The following GRIK4 variants were observed in gnomAD, a reference collection of about 807,000 sequenced individuals.
GRIK4 encodes glutamate ionotropic receptor kainate type subunit 4.
Under a neutral mutation model 104.9 loss-of-function variants are expected in GRIK4, and 40 were observed. The observed-to-expected ratio is 0.38, with a 90% CI of 0.30 to 0.50. The LOEUF (loss-of-function observed/expected upper bound fraction) is 0.50, where lower values mean the gene tolerates loss of function less well. Ranked by LOEUF, GRIK4 falls within the 20% of genes least tolerant of loss-of-function variation. The probability of loss-of-function intolerance (pLI) is 0.93; values close to 1 mark genes in which losing one functional copy is unlikely to be tolerated. For missense variants in GRIK4, 1,047 were observed against 1,308.1 expected, an observed-to-expected ratio of 0.80 and a Z score of 3.08; for synonymous variants, 485 against 524.9, an observed-to-expected ratio of 0.92 and a Z score of 1.04.
chr11:120,924,256 C>T (rs771429200), intron 13 of GRIK4, among the ~76,000 whole-genome samples: 3 of 152,054 alleles, frequency 2.0e-5, no homozygotes, highest in African/African-American at 4.8e-5. Flanking sequence ...GGAGGTTGGC[C>T]AGGCCTGAGT....
rs370607290 is a variant in GRIK4 at position 120,554,865 on chromosome 11, A to G, written c.-159+42978A>G. Among the ~76,000 whole-genome samples, 4 of 151,992 alleles carry G rather than the reference A, an allele frequency of 2.6e-5. No individual in the cohort carries two copies. In the South Asian group the frequency reaches 6.2e-4, roughly 24 times the overall value. On this transcript the variant is annotated intron_variant, in intron 1 of 20. Transcript: ENST00000527524. ...TGAGCCACCGCGCCTGGCCCCTTCC[A>G]GTCTCTTGAGAGTCAGTTGGAGAGT...
rs547430801 is a variant in GRIK4 at position 120,819,641 on chromosome 11, C to T, written c.346-114C>T. ...AGCTCCTTCTCCCATTGGTGTCTGG[C>T]GAAGGTGTTACATAAAAGAACTCAC... On this transcript the variant is annotated intron_variant, in intron 5 of 20. Transcript: ENST00000527524. The surrounding 1 kb of genome is among the most constrained non-coding windows in gnomAD (Gnocchi z 4.3). The T allele has an allele frequency of 7.5e-6, 7 of 929,796 alleles. No individual in the cohort carries two copies. The highest frequency in any genetic ancestry group is 3.2e-5 in the African/African-American group (2 of 61,614). The allele number at this position is 929,796 out of a possible 1,614,324, so 57.6% of individuals were successfully genotyped here.
chr11:120,645,045 T>C (rs1422409106), intron 1 of GRIK4, among the ~76,000 whole-genome samples: 1 of 152,200 alleles, frequency 6.6e-6, no homozygotes, highest in Non-Finnish European at 1.5e-5. Flanking sequence ...GATGTACATG[T>C]GTATGTACAT....
chr11:120,562,407 G>T (rs779573738), intron 1 of GRIK4, among the ~76,000 whole-genome samples: 4 of 152,218 alleles, frequency 2.6e-5, no homozygotes, highest in Non-Finnish European at 5.9e-5. Flanking sequence ...TATTTGGGAG[G>T]CTAACTTAGT....
At chr11:120,709,399 A>G (rs919875099) in intron 3 of GRIK4, among the ~76,000 whole-genome samples, 1 of 152,018 alleles carries the variant, frequency 6.6e-6, no homozygotes, top group Admixed American at 6.6e-5. Context: ...CAGGGAGGGG[A>G]TGATTGCTTT....
intron 16 of GRIK4, among the ~76,000 whole-genome samples, chr11:120,958,215 G>C (rs756328460): frequency 6.6e-6 from 1 of 152,360 alleles, no homozygotes; most frequent in African/African-American, 2.4e-5. Context: ...CACTTTATCC[G>C]CTTGTCAGCT....
At chr11:120,637,717 G>C (rs112133499) in intron 1 of GRIK4, among the ~76,000 whole-genome samples, 1,598 of 152,192 alleles carry the variant, frequency 0.01, 31 homozygotes, top group African/African-American at 0.034. Context: ...TCTCTGCCCA[G>C]GTTTTTTCCG....
At chr11:120,849,201 C>T (rs1013695318) in intron 8 of GRIK4, among the ~76,000 whole-genome samples, 16 of 152,012 alleles carry the variant, frequency 1.1e-4, no homozygotes, top group Non-Finnish European at 2.2e-4. Context: ...GCCCATGTGC[C>T]TTGGTGAGTG....
intron 3 of GRIK4, among the ~76,000 whole-genome samples, chr11:120,691,741 T>C (rs1365436411): frequency 1.3e-5 from 2 of 152,214 alleles, no homozygotes; most frequent in Non-Finnish European, 2.9e-5. Context: ...CTCACTTGAT[T>C]TGTTCCAAAT....
chr11:120,556,250 T>A (rs1432047614), intron 1 of GRIK4, among the ~76,000 whole-genome samples: 3 of 152,074 alleles, frequency 2.0e-5, no homozygotes, highest in African/African-American at 7.2e-5. Flanking sequence ...GTCCTTTCTT[T>A]GTCTCATACC....
intron 1 of GRIK4, among the ~76,000 whole-genome samples, chr11:120,621,119 C>A (rs1377045760): frequency 1.3e-5 from 2 of 152,190 alleles, no homozygotes; most frequent in Non-Finnish European, 2.9e-5. Flanking sequence ...ACACAAACCC[C>A]AAGCTCAAAG....
At chr11:120,877,659 T>C (rs1954855618) in intron 11 of GRIK4, among the ~76,000 whole-genome samples, 1 of 152,320 alleles carries the variant, frequency 6.6e-6, no homozygotes, top group East Asian at 1.9e-4. Context: ...GCCTGTATTC[T>C]AGTAGGGGAC....
At chr11:120,602,828 C>G (rs1263547333) in intron 1 of GRIK4, among the ~76,000 whole-genome samples, 1 of 152,150 alleles carries the variant, frequency 6.6e-6, no homozygotes. Context: ...TCAGCCTCCC[C>G]AGTAGCTGAG....
chr11:120,737,273 T>A (rs911909260), intron 3 of GRIK4, among the ~76,000 whole-genome samples: 17 of 152,236 alleles, frequency 1.1e-4, no homozygotes, highest in Non-Finnish European at 1.5e-5. Flanking sequence ...GCAGCATCTC[T>A]GCATAAAATT....
intron 6 of GRIK4, among the ~76,000 whole-genome samples, chr11:120,822,234 A>G (rs1358521524): frequency 2.7e-5 from 4 of 149,682 alleles, no homozygotes; most frequent in African/African-American, 1.0e-4. Flanking sequence ...AAAAAAAAAA[A>G]AGACAGTAAA....
At chr11:120,847,470 A>T (rs1953877886) in intron 8 of GRIK4, among the ~76,000 whole-genome samples, 1 of 152,256 alleles carries the variant, frequency 6.6e-6, no homozygotes. Context: ...TGGCAGGTTC[A>T]TCAAAAGCTT....
chr11:120,521,860 A>T (rs1190534303), intron 1 of GRIK4, among the ~76,000 whole-genome samples: 6 of 152,170 alleles, frequency 3.9e-5, no homozygotes, highest in Non-Finnish European at 7.3e-5. Context: ...GCGGGTGGTT[A>T]TCCTGCCTCG....
rs768233198 is a variant in GRIK4 at position 120,962,570 on chromosome 11, G to A, written c.2155G>A (p.Ala719Thr). 3.7e-6 allele frequency: 6 copies of A among 1,613,838 alleles called. No individual in the cohort carries two copies. Among genetic ancestry groups the A allele is most frequent in the South Asian group, 1.1e-5 (1 of 91,074 alleles). Reference sequence around the variant, plus strand: ...CGCCAGGGTGTTGAATTCCAACTACGCCTTCCTCCTGGAATCCACCATGAA... The same window carrying A: ...CGCCAGGGTGTTGAATTCCAACTACACCTTCCTCCTGGAATCCACCATGAA... ...GIARVLNSNY[A>T]FLLESTMNEY... Residue 719 changes from alanine (A) to threonine (T), a missense_variant, in exon 18 of 21, where the codon GCC becomes ACC. Physicochemically the swap from Ala to Thr is moderately conservative, Grantham distance 58. Coordinates refer to ENST00000527524, the MANE Select transcript of GRIK4 (RefSeq NM_014619.5).
intron 3 of GRIK4, among the ~76,000 whole-genome samples, chr11:120,720,315 C>CTGG (rs1164006628): frequency 2.0e-5 from 3 of 152,226 alleles, no homozygotes; most frequent in Non-Finnish European, 2.9e-5. Context: ...GTGTTTGATT[C>CTGG]TGGTTTATTG....
Sources: allele counts gnomAD v4.1 joint callset (sites outside exome capture counted in the v4.1 genomes callset), GRCh38; gene constraint gnomAD v4.1.1; non-coding constraint Gnocchi (gnomAD v3.1); transcripts MANE v1.5; gene names NCBI Gene and HGNC (gene_info 2026-07-23, HGNC 2026-07-21).